The following RAB5A variants were observed in gnomAD, a reference collection of about 807,000 sequenced individuals.
RAB5A encodes the protein ras-related protein Rab-5A.
A neutral mutation model predicts 25.7 loss-of-function variants in RAB5A; 8 were observed. That is an observed-to-expected ratio of 0.31 (90% CI 0.18 to 0.56). The LOEUF (loss-of-function observed/expected upper bound fraction) is 0.56. RAB5A is among the 20% of genes least tolerant of loss of function. RAB5A has a pLI of 0.91. For missense variants in RAB5A, 192 were observed against 259.7 expected, an observed-to-expected ratio of 0.74 and a Z score of 1.79; for synonymous variants, 98 against 89.8, an observed-to-expected ratio of 1.09 and a Z score of -0.52.
chr3:19,959,456 A>G (rs1696553299), intron 2 of RAB5A, among the ~76,000 whole-genome samples: 3 of 151,692 alleles, frequency 2.0e-5, no homozygotes, highest in East Asian at 3.9e-4. Context: ...ATATATATAT[A>G]TATGTATGTA....
chr3:19,969,041 T>G (rs750313736), intron 2 of RAB5A, among the ~76,000 whole-genome samples: 891 of 77,764 alleles, frequency 0.011, 25 homozygotes, highest in Non-Finnish European at 0.014. Context: ...GTTTTTTTTT[T>G]TTGGTTTTTT....
At chr3:19,948,254 T>TA (rs1215826729) in intron 1 of RAB5A, among the ~76,000 whole-genome samples, 1 of 152,240 alleles carries the variant, frequency 6.6e-6, no homozygotes, top group Non-Finnish European at 1.5e-5. Context: ...ATAGTTCACA[T>TA]ACTTGGTTTT....
At chr3:19,948,175 G>A (rs1440691741) in intron 1 of RAB5A, among the ~76,000 whole-genome samples, 1 of 152,192 alleles carries the variant, frequency 6.6e-6, no homozygotes, top group African/African-American at 2.4e-5. Flanking sequence ...CATGGAACTT[G>A]CTCTGGCGTT....
intron 2 of RAB5A, among the ~76,000 whole-genome samples, chr3:19,955,896 TAAA>T (rs560939787): frequency 2.0e-5 from 3 of 149,166 alleles, no homozygotes; most frequent in Non-Finnish European, 4.5e-5. Context: ...GACTCCGTCT[TAAA>T]AAAAAAATTG....
chr3:19,960,159 A>G (rs950701374), intron 2 of RAB5A, among the ~76,000 whole-genome samples: 2 of 152,180 alleles, frequency 1.3e-5, no homozygotes, highest in African/African-American at 2.4e-5. Flanking sequence ...GACATTGCAT[A>G]TACATAATCT....
At chr3:19,969,044 G>GTTTTTTTTTTTTTTTTT (rs746635502) in intron 2 of RAB5A, among the ~76,000 whole-genome samples, 9 of 65,550 alleles carry the variant, frequency 1.4e-4, no homozygotes, top group Admixed American at 3.2e-4. Flanking sequence ...TTTTTTTTTT[G>GTTTTTTTTTTTTTTTTT]GTTTTTTTTT....
Position 19,976,137 on chromosome 3 carries a change from G to T in RAB5A, c.406G>T (p.Asp136Tyr). ...AATAGCTTTATCGGGAAACAAGGCC[G>T]ACCTAGCAAATAAAAGAGCAGTAGA... Reference protein sequence around the residue: ...IVIALSGNKADLANKRAVDFQ... With the variant: ...IVIALSGNKAYLANKRAVDFQ... Residue 136 changes from aspartate to tyrosine, a missense_variant, in exon 4 of 6, where the codon GAC (aspartate) becomes TAC (tyrosine). Transcript: ENST00000273047. The T allele has an allele frequency of 6.2e-7, 1 of 1,610,740 alleles. No homozygotes were observed. The highest frequency in any genetic ancestry group is 8.5e-7 in the Non-Finnish European group (1 of 1,178,704).
At chr3:19,968,776 TTGA>T (rs1696695699) in intron 2 of RAB5A, among the ~76,000 whole-genome samples, 2 of 152,152 alleles carry the variant, frequency 1.3e-5, no homozygotes, top group South Asian at 4.1e-4. Flanking sequence ...CTTCCAATTC[TTGA>T]TGATGGATTT....
chr3:19,962,187 C>A (rs1004828734), intron 2 of RAB5A, among the ~76,000 whole-genome samples: 1 of 152,194 alleles, frequency 6.6e-6, no homozygotes, highest in Non-Finnish European at 1.5e-5. Flanking sequence ...ATTCTAGTCA[C>A]AGGCCTGTAC....
At chr3:19,951,337 C>T in intron 2 of RAB5A, 1 of 284,532 alleles carries the variant, frequency 3.5e-6, no homozygotes, top group Non-Finnish European at 6.6e-6. Flanking sequence ...TAACATTTGA[C>T]CTGATACCTA....
chr3:19,954,571 A>G (rs1696471626), intron 2 of RAB5A, among the ~76,000 whole-genome samples: 1 of 152,100 alleles, frequency 6.6e-6, no homozygotes, highest in South Asian at 2.1e-4. Context: ...TAATCCCAGC[A>G]CTTTGGGAAG....
intron 2 of RAB5A, among the ~76,000 whole-genome samples, chr3:19,951,719 T>TTTTTTTTTTTA (rs1553638043): frequency 6.8e-6 from 1 of 147,638 alleles, no homozygotes; most frequent in African/African-American, 2.5e-5. Context: ...TTTTTTTTTT[T>TTTTTTTTTTTA]AAGAGTCAGA....
intron 4 of RAB5A, among the ~76,000 whole-genome samples, chr3:19,977,414 T>A (rs1475965000): frequency 6.6e-6 from 1 of 152,242 alleles, no homozygotes; most frequent in Non-Finnish European, 1.5e-5. Context: ...TCTTGCTCTT[T>A]GGCTTCTCTA....
At chr3:19,973,535 A>G (rs1696781320) in intron 2 of RAB5A, among the ~76,000 whole-genome samples, 1 of 152,278 alleles carries the variant, frequency 6.6e-6, no homozygotes, top group Middle Eastern at 3.4e-3. Context: ...TTGATCCTAC[A>G]GGAGAACCTC....
Position 19,983,759 on chromosome 3 carries a change from G to T in RAB5A, c.584G>T (p.Arg195Ile). The part of the protein sequence containing the change: ...EPQNPGANSA[R>I]GRGVDLTEPT... Reference sequence around the variant, plus strand: ...CAAAATCCAGGAGCAAATTCTGCCAGAGGAAGAGGAGTAGACCTTACCGAA... The same window carrying T: ...CAAAATCCAGGAGCAAATTCTGCCATAGGAAGAGGAGTAGACCTTACCGAA... Residue 195 changes from arginine (R) to isoleucine (I), a missense_variant, in exon 6 of 6, where the codon AGA becomes ATA. Around this residue, in one of 3 missense-constraint regions of RAB5A, gnomAD observed 121 missense variants for 135.7 expected, o/e 0.89. Transcript: ENST00000273047. 6.2e-7 allele frequency: 1 copy of T among 1,612,620 alleles called. No homozygotes were observed. Among genetic ancestry groups the T allele is most frequent in the Non-Finnish European group, 8.5e-7 (1 of 1,179,128 alleles).
intron 2 of RAB5A, among the ~76,000 whole-genome samples, chr3:19,959,219 G>A (rs889070297): frequency 2.6e-5 from 4 of 151,960 alleles, no homozygotes; most frequent in African/African-American, 9.7e-5. Flanking sequence ...TGTTATATAT[G>A]GGAAATATTA....
intron 2 of RAB5A, among the ~76,000 whole-genome samples, chr3:19,969,569 C>G (rs548309445): frequency 6.6e-6 from 1 of 152,206 alleles, no homozygotes; most frequent in South Asian, 2.1e-4. Context: ...AGGTTTGCCC[C>G]TTTGTTATGG....
At chr3:19,970,497 C>T (rs563483065) in intron 2 of RAB5A, 14 of 456,292 alleles carry the variant, frequency 3.1e-5, no homozygotes, top group African/African-American at 2.8e-4. Flanking sequence ...CAGGCCAGCA[C>T]CCACATCTCA....
intron 1 of RAB5A, chr3:19,947,944 G>A (rs1433969216): frequency 6.6e-6 from 1 of 152,252 alleles, no homozygotes; most frequent in Admixed American, 6.5e-5. Flanking sequence ...TTGGCTATTA[G>A]CTACTCAGGT....
Sources: allele counts gnomAD v4.1 joint callset (sites outside exome capture counted in the v4.1 genomes callset), GRCh38; gene constraint gnomAD v4.1.1; regional missense constraint gnomAD v4.1.1; transcripts MANE v1.5; gene names NCBI Gene and HGNC (gene_info 2026-07-23, HGNC 2026-07-21).